The following MAGI1 variants were observed in gnomAD, a reference collection of about 807,000 sequenced individuals.
The protein encoded by MAGI1 is membrane-associated guanylate kinase, WW and PDZ domain-containing protein 1.
Under a neutral mutation model 139.9 loss-of-function variants are expected in MAGI1, and 58 were observed. That is an observed-to-expected ratio of 0.41 (90% confidence interval 0.34 to 0.52). MAGI1 has a LOEUF of 0.52. MAGI1 is among the 20% of genes least tolerant of loss of function. The pLI is 0.12. For synonymous variants in MAGI1, 812 were observed against 737.9 expected (o/e 1.10, Z -1.63); for missense variants, 1,874 against 1,901.6 (o/e 0.99, Z 0.27).
chr3:65,782,323 G>C (rs990722276), intron 1 of MAGI1, among the ~76,000 whole-genome samples: 1 of 152,106 alleles, frequency 6.6e-6, no homozygotes, highest in Middle Eastern at 3.2e-3. Context: ...AGCAGGCTTT[G>C]AAGATGGAGG....
intron 1 of MAGI1, among the ~76,000 whole-genome samples, chr3:65,661,217 C>A (rs1392619441): frequency 6.6e-6 from 1 of 152,088 alleles, no homozygotes; most frequent in Admixed American, 6.5e-5. Flanking sequence ...GATCCCTAGT[C>A]TAAAATCTAG....
At chr3:65,378,467 A>T (rs1396758937) in intron 17 of MAGI1, among the ~76,000 whole-genome samples, 1 of 152,130 alleles carries the variant, frequency 6.6e-6, no homozygotes, top group African/African-American at 2.4e-5. Context: ...CTCATGTAGT[A>T]TTTTTACTCC....
Position 65,796,050 on chromosome 3 carries a change from C to CAAA in MAGI1, c.314-173965_314-173963dup, listed in dbSNP as rs35663778. The stretch of plus-strand genomic sequence containing the variant: ...TGGGTGACAGACTGAGACTCTGTCT[C>CAAA]AAAAAAAAAAAAAAAAAAAAGAAAA... On this transcript the variant is annotated intron_variant, in intron 1 of 22. Transcript: ENST00000402939. Among the ~76,000 whole-genome samples the CAAA allele has an allele frequency of 4.4e-4, 45 of 103,020 alleles. No individual in the cohort carries two copies. The East Asian group carries it at 0.01, about 23-fold the overall frequency. 67.6% of individuals were successfully genotyped at this position (103,020 alleles called of 152,430 possible). A position where few individuals can be genotyped will look rare whatever the true frequency, so the allele number is the denominator to read the frequency against.
At chr3:65,836,495 G>A (rs1048043892) in intron 1 of MAGI1, among the ~76,000 whole-genome samples, 16 of 152,152 alleles carry the variant, frequency 1.1e-4, no homozygotes, top group Non-Finnish European at 1.9e-4. Context: ...TAGGTATGAC[G>A]AGACCAATAG....
chr3:65,934,617 C>T (rs531050283), intron 1 of MAGI1, among the ~76,000 whole-genome samples: 2 of 150,966 alleles, frequency 1.3e-5, no homozygotes, highest in Admixed American at 6.6e-5. Flanking sequence ...ATTATAAAAC[C>T]GAGTCCCTCT....
chr3:65,869,746 T>TGGC (rs1210013999), intron 1 of MAGI1, among the ~76,000 whole-genome samples: 1 of 152,136 alleles, frequency 6.6e-6, no homozygotes, highest in Non-Finnish European at 1.5e-5. Context: ...CAACAGAGCA[T>TGGC]GGCACATAGT....
At chr3:65,825,073 G>A (rs2042151174) in intron 1 of MAGI1, among the ~76,000 whole-genome samples, 1 of 152,184 alleles carries the variant, frequency 6.6e-6, no homozygotes, top group African/African-American at 2.4e-5. Context: ...CGCAGACACA[G>A]AAAATGTATG....
At chr3:65,619,677 G>T (rs1360792984) in intron 2 of MAGI1, among the ~76,000 whole-genome samples, 1 of 152,050 alleles carries the variant, frequency 6.6e-6, no homozygotes, top group East Asian at 1.9e-4. Context: ...CAGTCACATG[G>T]GCCATAGAAT....
At chr3:65,566,507 A>G (rs1402376916) in intron 2 of MAGI1, among the ~76,000 whole-genome samples, 1 of 152,050 alleles carries the variant, frequency 6.6e-6, no homozygotes, top group African/African-American at 2.4e-5. Flanking sequence ...AAAAGCAAAA[A>G]GCATATACCT....
chr3:65,660,638 T>G (rs1365006254), intron 1 of MAGI1, among the ~76,000 whole-genome samples: 1 of 152,234 alleles, frequency 6.6e-6, no homozygotes, highest in African/African-American at 2.4e-5. Context: ...TATTTGTTCT[T>G]AACATATAAT....
chr3:65,392,144 C>T (rs575432102), intron 13 of MAGI1, among the ~76,000 whole-genome samples: 1 of 152,232 alleles, frequency 6.6e-6, no homozygotes, highest in Admixed American at 6.5e-5. Context: ...GGAAGAGTTC[C>T]ATTTAAATTT....
intron 1 of MAGI1, among the ~76,000 whole-genome samples, chr3:65,946,482 C>T (rs2063550024): frequency 2.0e-5 from 3 of 152,076 alleles, no homozygotes; most frequent in Admixed American, 6.6e-5. Context: ...ATTTCAGCAA[C>T]CTCCTCCAGG....
At chr3:65,885,529 G>A (rs1186310354) in intron 1 of MAGI1, among the ~76,000 whole-genome samples, 1 of 152,146 alleles carries the variant, frequency 6.6e-6, no homozygotes, top group Non-Finnish European at 1.5e-5. Context: ...ATCTGGAATT[G>A]TAGCTTCCTT....
At chr3:65,737,499 C>G (rs1333913916) in intron 1 of MAGI1, among the ~76,000 whole-genome samples, 1 of 152,164 alleles carries the variant, frequency 6.6e-6, no homozygotes, top group African/African-American at 2.4e-5. Flanking sequence ...CAGCAATGTG[C>G]TAAATACTGG....
At chr3:65,830,082 A>ATT (rs2042444708) in intron 1 of MAGI1, among the ~76,000 whole-genome samples, 2 of 152,194 alleles carry the variant, frequency 1.3e-5, no homozygotes, top group South Asian at 4.1e-4. Context: ...TACAGAGGCA[A>ATT]AGATCTTTCT....
Position 65,987,221 on chromosome 3 carries a change from T to C in MAGI1, c.313+50775A>G, listed in dbSNP as rs566802147. ...AAGGGATACCAGTATAGCTACACATTTCACTCATGTGACTTTGGGAGGGAA... is the reference window on the plus strand; with the variant it reads ...AAGGGATACCAGTATAGCTACACATCTCACTCATGTGACTTTGGGAGGGAA... On this transcript the variant is annotated intron_variant, in intron 1 of 22. Coordinates refer to ENST00000402939, the MANE Select transcript of MAGI1 (RefSeq NM_001033057.2). Among the ~76,000 whole-genome samples the C allele has an allele frequency of 5.3e-5, 8 of 152,290 alleles. 1 individual carries two copies. Among genetic ancestry groups the C allele is most frequent in the Middle Eastern group, 6.8e-3 (2 of 294 alleles).
intron 1 of MAGI1, among the ~76,000 whole-genome samples, chr3:65,645,467 T>C (rs572301235): frequency 1.3e-3 from 199 of 152,232 alleles, no homozygotes; most frequent in Admixed American, 2.4e-3. Flanking sequence ...GGAATGTAGG[T>C]GAAATCAAGA....
intron 18 of MAGI1, among the ~76,000 whole-genome samples, chr3:65,372,443 G>A (rs1942092496): frequency 1.3e-5 from 2 of 152,150 alleles, no homozygotes; most frequent in African/African-American, 4.8e-5. Context: ...TAGAGCACAG[G>A]CAGAGTACAT....
chr3:65,603,666 G>A (rs1392409107), intron 2 of MAGI1, among the ~76,000 whole-genome samples: 1 of 152,178 alleles, frequency 6.6e-6, no homozygotes, highest in East Asian at 1.9e-4. Flanking sequence ...TAACAAAAAG[G>A]AATAGCCTTG....
Sources: gnomAD v4.1 joint callset for allele counts (sites outside exome capture counted in the v4.1 genomes callset) on GRCh38, gnomAD v4.1.1 for gene constraint, MANE v1.5 for transcripts, NCBI Gene and HGNC (gene_info 2026-07-23, HGNC 2026-07-21) for gene names.